Variants in ARHGAP15 observed in about 807,000 individuals in gnomAD.
ARHGAP15 encodes rho GTPase-activating protein 15.
In ARHGAP15, 51 loss-of-function variants were observed where a neutral mutation model predicts 63.7. The observed-to-expected ratio is 0.80, with a 90% confidence interval of 0.64 to 1.01. The LOEUF is 1.01. ARHGAP15 is among the 50% of genes least tolerant of loss of function. The pLI, the probability that ARHGAP15 is intolerant of heterozygous loss-of-function variation, is 0.00. For missense variants in ARHGAP15, 560 were observed against 564.6 expected, an observed-to-expected ratio of 0.99 and a Z score of 0.08; for synonymous variants, 191 against 193.8, an observed-to-expected ratio of 0.99 and a Z score of 0.12.
rs549020573 is a variant in ARHGAP15, at chr2:143,280,016, A to G, written c.474+29416A>G. 1.5e-4 allele frequency among the ~76,000 whole-genome samples: 23 copies of G among 152,262 alleles called. No homozygotes were observed. In the East Asian group the frequency reaches 4.3e-3, roughly 28 times the overall value. ...ACAGCCAGGTTGACTTCCCCCAAAC[A>G]CTTTAGAGAAGATTTTGACCACCTT... On this transcript the variant is annotated intron_variant, in intron 6 of 13. Transcript: ENST00000295095.
intron 9 of ARHGAP15, among the ~76,000 whole-genome samples, chr2:143,497,844 G>C (rs1437630186): frequency 6.6e-6 from 1 of 150,382 alleles, no homozygotes; most frequent in African/African-American, 2.4e-5. Context: ...AAGGAAGGAG[G>C]TCTCACTCCT....
intron 12 of ARHGAP15, among the ~76,000 whole-genome samples, chr2:143,645,775 T>C (rs1056272966): frequency 6.6e-6 from 1 of 152,078 alleles, no homozygotes; most frequent in Non-Finnish European, 1.5e-5. Flanking sequence ...TCAGCTTATA[T>C]TGCAAGAAAT....
intron 11 of ARHGAP15, chr2:143,601,718 G>T (rs1185371320): frequency 6.6e-6 from 1 of 152,048 alleles, no homozygotes; most frequent in Admixed American, 6.6e-5. Context: ...TCTATTAGGG[G>T]TGTCTCACTT....
rs187354169 is a variant in ARHGAP15, at chr2:143,524,126, A to G, written c.925+4762A>G. Among the ~76,000 whole-genome samples the G allele has an allele frequency of 2.6e-5, 4 of 152,268 alleles. No individual in the cohort carries two copies. The East Asian group carries it at 7.7e-4, about 29-fold the overall frequency. ...CTGGGATCCATAACCTTGCTTAAAG[A>G]TTTAAGAAAGACCTTTAGTCTACTT... On this transcript the variant is annotated intron_variant, in intron 10 of 13. Coordinates refer to ENST00000295095, the MANE Select transcript of ARHGAP15 (RefSeq NM_018460.4).
chr2:143,253,689 A>G (rs1328556813), intron 6 of ARHGAP15, among the ~76,000 whole-genome samples: 3 of 150,464 alleles, frequency 2.0e-5, no homozygotes, highest in African/African-American at 4.9e-5. Flanking sequence ...TATGTATTAG[A>G]TGTTATAATT....
intron 9 of ARHGAP15, among the ~76,000 whole-genome samples, chr2:143,496,087 C>T (rs1243464704): frequency 6.6e-6 from 1 of 152,134 alleles, no homozygotes; most frequent in Non-Finnish European, 1.5e-5. Context: ...AATAGCCAAC[C>T]TTAAGCTTCT....
intron 6 of ARHGAP15, among the ~76,000 whole-genome samples, chr2:143,274,946 A>C (rs1304195478): frequency 6.6e-6 from 1 of 152,002 alleles, no homozygotes; most frequent in East Asian, 1.9e-4. Context: ...GGATCATTTG[A>C]GGTCAGGAGT....
intron 11 of ARHGAP15, among the ~76,000 whole-genome samples, chr2:143,562,939 T>C (rs913901781): frequency 1.3e-5 from 2 of 152,236 alleles, no homozygotes; most frequent in African/African-American, 4.8e-5. Context: ...TGGCTACTTA[T>C]TTTAAAGCAA....
At chr2:143,272,925 T>A in intron 6 of ARHGAP15, among the ~76,000 whole-genome samples, 1 of 150,064 alleles carries the variant, frequency 6.7e-6, no homozygotes, top group Admixed American at 6.6e-5. Context: ...TATGATGGAA[T>A]TTTTTTTTAT....
At chr2:143,650,745 C>A (rs1038812591) in intron 12 of ARHGAP15, among the ~76,000 whole-genome samples, 12 of 151,832 alleles carry the variant, frequency 7.9e-5, no homozygotes, top group African/African-American at 2.7e-4. Flanking sequence ...AAATTAAATT[C>A]TTGGTTTAAT....
In ARHGAP15 at chr2:143,514,090, G is replaced by A. The variant is rs77367524; in HGVS notation, c.827-5176G>A. ...ATAAACCCTCACTATTTTTTTACAC[G>A]TATCTGCAATAGCATTAGTCATATT... On this transcript the variant is annotated intron_variant, in intron 9 of 13. Coordinates refer to ENST00000295095, the MANE Select transcript of ARHGAP15 (RefSeq NM_018460.4). Among the ~76,000 whole-genome samples, 846 of 152,212 alleles carry A rather than the reference G, an allele frequency of 5.6e-3. 7 individuals are homozygous for A. Among genetic ancestry groups the A allele is most frequent in the African/African-American group, 0.019 (806 of 41,534 alleles).
intron 11 of ARHGAP15, among the ~76,000 whole-genome samples, chr2:143,618,839 T>TTC (rs1698543761): frequency 6.6e-6 from 1 of 151,810 alleles, no homozygotes; most frequent in Non-Finnish European, 1.5e-5. Flanking sequence ...ACTCCTTTTT[T>TTC]TTTTTCCTTT....
At chr2:143,479,324 A>G (rs1691966769) in intron 8 of ARHGAP15, among the ~76,000 whole-genome samples, 1 of 150,828 alleles carries the variant, frequency 6.6e-6, no homozygotes, top group Non-Finnish European at 1.5e-5. Flanking sequence ...TACCACGCCT[A>G]CAACTCTTTT....
At chr2:143,394,945 G>A (rs540129238) in intron 6 of ARHGAP15, among the ~76,000 whole-genome samples, 53 of 152,202 alleles carry the variant, frequency 3.5e-4, no homozygotes, top group Non-Finnish European at 5.9e-4. Flanking sequence ...GAAAGTGGTC[G>A]AAATTTACCA....
At chr2:143,148,951 C>G (rs1262777812) in intron 1 of ARHGAP15, among the ~76,000 whole-genome samples, 1 of 151,922 alleles carries the variant, frequency 6.6e-6, no homozygotes, top group South Asian at 2.1e-4. Context: ...AATTGCAATG[C>G]GAGTTAATTA....
At chr2:143,410,937 C>CCA (rs1237760716) in intron 6 of ARHGAP15, among the ~76,000 whole-genome samples, 1 of 151,768 alleles carries the variant, frequency 6.6e-6, no homozygotes, top group African/African-American at 2.4e-5. Flanking sequence ...GGCGTGATGG[C>CCA]TCACGCCTGT....
chr2:143,506,886 CT>C (rs1693349452), intron 9 of ARHGAP15, among the ~76,000 whole-genome samples: 1 of 151,876 alleles, frequency 6.6e-6, no homozygotes, highest in African/African-American at 2.4e-5. Flanking sequence ...GGGTATTTTC[CT>C]TAAAAAATAA....
chr2:143,426,642 C>T (rs1574432622), intron 6 of ARHGAP15, among the ~76,000 whole-genome samples: 1 of 152,246 alleles, frequency 6.6e-6, no homozygotes, highest in African/African-American at 2.4e-5. Context: ...CAGATTTCCT[C>T]ACTCAGTCAG....
intron 6 of ARHGAP15, among the ~76,000 whole-genome samples, chr2:143,326,417 G>A (rs1426927153): frequency 1.3e-5 from 2 of 151,958 alleles, no homozygotes; most frequent in East Asian, 3.9e-4. Context: ...GACAGAGCTG[G>A]AATTCAAACT....
Sources: gnomAD v4.1 joint callset for allele counts (sites outside exome capture counted in the v4.1 genomes callset) on GRCh38, gnomAD v4.1.1 for gene constraint, MANE v1.5 for transcripts, NCBI Gene and HGNC (gene_info 2026-07-23, HGNC 2026-07-21) for gene names.